The following ADAMTS17 variants were observed in gnomAD, a reference collection of about 807,000 sequenced individuals.
ADAMTS17 encodes A disintegrin and metalloproteinase with thrombospondin motifs 17.
In ADAMTS17, 113 loss-of-function variants were observed where a neutral mutation model predicts 141.5. The observed-to-expected ratio is 0.80, with a 90% CI of 0.69 to 0.93. The LOEUF is 0.93. Among genes scored for constraint, ADAMTS17 ranks in the 40% least tolerant of loss-of-function variants. ADAMTS17 has a pLI of 0.00. For synonymous variants in ADAMTS17, 768 were observed against 630.6 expected (o/e 1.22, Z -3.27); for missense variants, 1,659 against 1,517.9 (o/e 1.09, Z -1.54).
At chr15:100,137,046 TA>T (rs1471829187) in intron 10 of ADAMTS17, among the ~76,000 whole-genome samples, 1 of 152,184 alleles carries the variant, frequency 6.6e-6, no homozygotes. Context: ...CTCAAGTACT[TA>T]GGCAATGGAA....
intron 3 of ADAMTS17, among the ~76,000 whole-genome samples, chr15:100,292,257 TGA>T (rs2044660381): frequency 7.6e-6 from 1 of 131,502 alleles, no homozygotes; most frequent in African/African-American, 3.0e-5. Flanking sequence ...TGAGAAACTA[TGA>T]GAGACGCTCA....
intron 15 of ADAMTS17, among the ~76,000 whole-genome samples, chr15:100,092,003 G>A (rs1467970787): frequency 6.6e-6 from 1 of 152,152 alleles, no homozygotes; most frequent in African/African-American, 2.4e-5. Context: ...GTAGACAAAC[G>A]AAGACCAGAA....
chr15:100,324,392 GTTTCT>G (rs1469776254), intron 3 of ADAMTS17, among the ~76,000 whole-genome samples: 1 of 152,122 alleles, frequency 6.6e-6, no homozygotes, highest in Non-Finnish European at 1.5e-5. Flanking sequence ...GGATACGCAG[GTTTCT>G]TTTTTGTGTT....
At chr15:100,222,685 AC>A (rs1372789005) in intron 7 of ADAMTS17, among the ~76,000 whole-genome samples, 1 of 152,218 alleles carries the variant, frequency 6.6e-6, no homozygotes, top group Non-Finnish European at 1.5e-5. Context: ...GAGTTGTTAC[AC>A]GACTGAGGGG....
In ADAMTS17 at chr15:99,974,164, T is replaced by C. The variant is rs1285018723; in HGVS notation, c.*238A>G. 1.0e-4 allele frequency: 60 copies of C among 571,532 alleles called. 1 individual carries two copies. The Admixed American group carries it at 1.8e-3, about 17-fold the overall frequency. 35.4% of individuals were successfully genotyped at this position (571,532 alleles called of 1,614,324 possible). ...TTCGAGGTACCTGAAATCCTAGAAA[T>C]TGAAGTTACTTTGTGACTCATGCCT... On this transcript the variant is annotated 3_prime_UTR_variant, in exon 22 of 22. Transcript: ENST00000268070.
At chr15:100,133,766 G>C (rs939591296) in intron 10 of ADAMTS17, among the ~76,000 whole-genome samples, 1 of 152,206 alleles carries the variant, frequency 6.6e-6, no homozygotes, top group Non-Finnish European at 1.5e-5. Flanking sequence ...AAGGCCAGAT[G>C]GGTAGGCAAC....
At chr15:99,974,610 A>C (rs370976322) in intron 21 of ADAMTS17, 48 bp from the exon 22 acceptor site, 1 of 1,611,160 alleles carries the variant, frequency 6.2e-7, no homozygotes, top group African/African-American at 1.3e-5. Flanking sequence ...TGGCCTAGGC[A>C]TGTCCTGATG....
chr15:100,022,506 C>A (rs1036655689), intron 18 of ADAMTS17, among the ~76,000 whole-genome samples: 1 of 152,146 alleles, frequency 6.6e-6, no homozygotes, highest in Admixed American at 6.5e-5. Flanking sequence ...AAGATTCAAA[C>A]ACCCCAACCA....
At chr15:100,088,819 C>T (rs2035269915) in intron 15 of ADAMTS17, among the ~76,000 whole-genome samples, 1 of 152,158 alleles carries the variant, frequency 6.6e-6, no homozygotes, top group South Asian at 2.1e-4. Context: ...CCCTTCCTTA[C>T]ACCTTATACA....
chr15:100,113,981 G>A (rs2036954197), intron 13 of ADAMTS17, among the ~76,000 whole-genome samples: 1 of 152,216 alleles, frequency 6.6e-6, no homozygotes, highest in South Asian at 2.1e-4. Context: ...GAGATTCCAT[G>A]AGAAAAGCAG....
chr15:100,341,948 C>T lies in ADAMTS17; in HGVS notation c.-49G>A. On this transcript the variant is annotated 5_prime_UTR_variant, in exon 1 of 22. Transcript: ENST00000268070. ...CCGGACCGTGGCGGCGAAGCAGGAG[C>T]GCGCTAGGCGGCGGCGCCAGCCGGA... 3.0e-5 allele frequency: 47 copies of T among 1,543,704 alleles called. No homozygotes were observed. The highest frequency in any genetic ancestry group is 4.0e-5 in the Non-Finnish European group (46 of 1,143,310).
intron 3 of ADAMTS17, among the ~76,000 whole-genome samples, chr15:100,326,106 G>C (rs1461484501): frequency 1.3e-5 from 2 of 152,324 alleles, no homozygotes; most frequent in African/African-American, 2.4e-5. Flanking sequence ...ACAGCAAAGG[G>C]AACAGAATTG....
At chr15:100,035,546 G>A (rs1180888027) in intron 18 of ADAMTS17, among the ~76,000 whole-genome samples, 1 of 152,112 alleles carries the variant, frequency 6.6e-6, no homozygotes, top group Non-Finnish European at 1.5e-5. Context: ...CAGGGGATGA[G>A]GAGAAAAGGA....
chr15:100,321,229 G>T (rs908462364), intron 3 of ADAMTS17, among the ~76,000 whole-genome samples: 1 of 152,110 alleles, frequency 6.6e-6, no homozygotes, highest in Admixed American at 6.5e-5. Flanking sequence ...ACCAGTGGAA[G>T]AGAGAAGGGG....
chr15:99,985,630 G>A (rs927575822), intron 20 of ADAMTS17, among the ~76,000 whole-genome samples: 7 of 152,076 alleles, frequency 4.6e-5, no homozygotes, highest in East Asian at 3.9e-4. Flanking sequence ...TTTCAAATTC[G>A]GAATCTAAGC....
intron 7 of ADAMTS17, among the ~76,000 whole-genome samples, chr15:100,241,507 C>T (rs1266147413): frequency 6.6e-6 from 1 of 152,226 alleles, no homozygotes; most frequent in Non-Finnish European, 1.5e-5. Flanking sequence ...TGTCTCAACA[C>T]ACTTTACTTC....
rs2060375495 is a variant in ADAMTS17, at chr15:99,977,382, ATATATATATATATATATAATTTTTTTTT to A, written c.2950-1188_2950-1161del. Among the ~76,000 whole-genome samples, 7 of 20,928 alleles carry A rather than the reference ATATATATATATATATATAATTTTTTTTT, an allele frequency of 3.3e-4. 1 individual carries two copies. The highest frequency in any genetic ancestry group is 1.5e-3 in the African/African-American group (7 of 4,616). 13.7% of individuals were successfully genotyped at this position (20,928 alleles called of 152,430 possible). A position where few individuals can be genotyped will look rare whatever the true frequency, so the allele number is the denominator to read the frequency against. The stretch of plus-strand genomic sequence containing the variant: ...TATATATATATATATATATATATAT[ATATATATATATATATATAATTTTTTTTT>A]TTTTTTTTTTTTTTTTTTTGAGATG... On this transcript the variant is annotated intron_variant, in intron 20 of 21. Coordinates refer to ENST00000268070, the MANE Select transcript of ADAMTS17 (RefSeq NM_139057.4).
chr15:100,108,563 A>G (rs749102127), intron 14 of ADAMTS17, among the ~76,000 whole-genome samples: 3 of 152,152 alleles, frequency 2.0e-5, no homozygotes, highest in Admixed American at 6.5e-5. Flanking sequence ...ATACCAGTAG[A>G]TGGATGCTCC....
chr15:100,185,525 C>T (rs935542157), intron 8 of ADAMTS17, among the ~76,000 whole-genome samples: 4 of 152,220 alleles, frequency 2.6e-5, no homozygotes, highest in African/African-American at 9.6e-5. Context: ...ACTTCAACCC[C>T]TAAGCCAGAA....
Sources: gnomAD v4.1 joint callset for allele counts (sites outside exome capture counted in the v4.1 genomes callset) on GRCh38, gnomAD v4.1.1 for gene constraint, MANE v1.5 for transcripts, NCBI Gene and HGNC (gene_info 2026-07-23, HGNC 2026-07-21) for gene names.